Variants in CHODL observed in about 807,000 individuals in gnomAD.
CHODL encodes the protein transmembrane protein MT75.
Under a neutral mutation model 34.5 loss-of-function variants are expected in CHODL, and 29 were observed. The ratio of observed to expected loss-of-function variants is 0.84; its 90% confidence interval spans 0.63 to 1.15. The LOEUF (loss-of-function observed/expected upper bound fraction) is 1.15. CHODL is among the 50% of genes most tolerant of loss of function. The probability of loss-of-function intolerance (pLI) is 0.00; values close to 1 mark genes in which losing one functional copy is unlikely to be tolerated. For synonymous variants in CHODL, 125 were observed against 116.1 expected (o/e 1.08, Z -0.49); for missense variants, 332 against 332.5 (o/e 1.00, Z 0.01).
chr21:18,101,840 T>C (rs1171652389), intron 2 of CHODL, among the ~76,000 whole-genome samples: 2 of 152,116 alleles, frequency 1.3e-5, no homozygotes, highest in Non-Finnish European at 2.9e-5. Context: ...ATATATTTAG[T>C]TTCCATAATG....
intron 1 of CHODL, among the ~76,000 whole-genome samples, chr21:18,252,587 C>T (rs1186326018): frequency 6.6e-6 from 1 of 151,980 alleles, no homozygotes; most frequent in Non-Finnish European, 1.5e-5. Context: ...ACCAAATTTG[C>T]ACGATAAGGT....
chr21:18,066,889 G>T (rs1336938862), intron 2 of CHODL, among the ~76,000 whole-genome samples: 2 of 152,128 alleles, frequency 1.3e-5, no homozygotes, highest in African/African-American at 2.4e-5. Flanking sequence ...TGACACAATA[G>T]GTTGGCCACC....
intron 2 of CHODL, among the ~76,000 whole-genome samples, chr21:18,207,318 AT>A (rs1311735786): frequency 6.6e-6 from 1 of 152,176 alleles, no homozygotes; most frequent in African/African-American, 2.4e-5. Context: ...GACAACACTG[AT>A]TGCATAAACA....
intron 2 of CHODL, among the ~76,000 whole-genome samples, chr21:18,066,011 A>G (rs1485782212): frequency 6.6e-6 from 1 of 152,174 alleles, no homozygotes; most frequent in Non-Finnish European, 1.5e-5. Context: ...TGACCTCCCA[A>G]TATATAAATC....
chr21:17,958,596 G>A (rs947544015), intron 1 of CHODL, among the ~76,000 whole-genome samples: 2 of 152,130 alleles, frequency 1.3e-5, no homozygotes, highest in Non-Finnish European at 2.9e-5. Context: ...GGTAGGAACA[G>A]GCATCCAGTG....
rs147072991 is a variant in CHODL, at chr21:18,091,077, T to A, written c.-45+63106T>A. Among the ~76,000 whole-genome samples, 51 of 152,280 alleles carry A rather than the reference T, an allele frequency of 3.3e-4. 1 individual carries two copies. In the East Asian group the frequency reaches 8.9e-3, roughly 27 times the overall value. On this transcript the variant is annotated intron_variant, in intron 2 of 6. Coordinates refer to the CHODL transcript ENST00000400127. Reference sequence around the variant, plus strand: ...CAGCACCTGGGGGACTTTGCATTGATCTCAATGTTTCCCTGTCACAGCAGA... The same window carrying A: ...CAGCACCTGGGGGACTTTGCATTGAACTCAATGTTTCCCTGTCACAGCAGA...
At chr21:18,146,554 C>T (rs994877807) in intron 2 of CHODL, among the ~76,000 whole-genome samples, 1 of 152,050 alleles carries the variant, frequency 6.6e-6, no homozygotes, top group African/African-American at 2.4e-5. Context: ...TGAAGAGGGA[C>T]GTTGTTTGCT....
chr21:18,036,605 T>C (rs565290124), intron 2 of CHODL, among the ~76,000 whole-genome samples: 7 of 152,184 alleles, frequency 4.6e-5, no homozygotes, highest in African/African-American at 1.7e-4. Flanking sequence ...ATTTTCTCTT[T>C]ATCAGAAATC....
intron 2 of CHODL, among the ~76,000 whole-genome samples, chr21:18,115,729 T>G (rs562939987): frequency 2.6e-5 from 4 of 152,302 alleles, no homozygotes; most frequent in Non-Finnish European, 5.9e-5. Context: ...CTTTATTGAG[T>G]GTTTCTTCTG....
chr21:18,140,204 C>T (rs989467638), intron 2 of CHODL, among the ~76,000 whole-genome samples: 1 of 152,164 alleles, frequency 6.6e-6, no homozygotes, highest in Non-Finnish European at 1.5e-5. Flanking sequence ...AATTTGAAAA[C>T]GTGGATAATT....
chr21:18,139,577 C>A (rs2072777252), intron 2 of CHODL, among the ~76,000 whole-genome samples: 1 of 152,076 alleles, frequency 6.6e-6, no homozygotes, highest in Admixed American at 6.6e-5. Flanking sequence ...GACCTCCTAG[C>A]TGACCACGAC....
At chr21:17,971,503 CAT>C (rs1172470912) in intron 1 of CHODL, among the ~76,000 whole-genome samples, 2 of 152,050 alleles carry the variant, frequency 1.3e-5, no homozygotes, top group African/African-American at 2.4e-5. Context: ...ACCTTTTTTT[CAT>C]ATGTTTGTTG....
chr21:18,006,534 C>G (rs1445229968), intron 1 of CHODL, among the ~76,000 whole-genome samples: 5 of 152,118 alleles, frequency 3.3e-5, no homozygotes, highest in African/African-American at 1.2e-4. Context: ...GAAGAAAACA[C>G]AATTATCTTT....
intron 1 of CHODL, among the ~76,000 whole-genome samples, chr21:17,926,392 T>C (rs63607264): frequency 2.0e-5 from 3 of 151,356 alleles, no homozygotes; most frequent in Non-Finnish European, 4.4e-5. Flanking sequence ...TTTTTTTTTT[T>C]CCTGAAGTGT....
At chr21:18,063,105 C>G (rs1377940767) in intron 2 of CHODL, among the ~76,000 whole-genome samples, 2 of 152,254 alleles carry the variant, frequency 1.3e-5, no homozygotes, top group Middle Eastern at 6.8e-3. Context: ...TCAGAATTAG[C>G]ATATATCCAA....
chr21:18,244,930 G>C lies in CHODL; in HGVS notation c.-294G>C. ...AAAGCGCAACGGTGTGGTCCAAGCC[G>C]GGGCTTCTGCTTCGCCTCTAGGACA... is the stretch of plus-strand genomic sequence containing the variant. On this transcript the variant is annotated 5_prime_UTR_variant, in exon 1 of 6. Transcript: ENST00000299295. The C allele has an allele frequency of 2.7e-6, 1 of 370,360 alleles. No homozygotes were observed. Among genetic ancestry groups the C allele is most frequent in the Non-Finnish European group, 4.8e-6 (1 of 207,530 alleles). The allele number at this position is 370,360 out of a possible 1,614,324, so 22.9% of individuals were successfully genotyped here.
intron 2 of CHODL, among the ~76,000 whole-genome samples, chr21:18,168,191 C>A (rs540840758): frequency 1.2e-4 from 19 of 152,316 alleles, no homozygotes; most frequent in Middle Eastern, 3.4e-3. Flanking sequence ...GGTTTTGGGA[C>A]TCAGATTGGC....
At chr21:18,096,499 G>A (rs1475484090) in intron 2 of CHODL, among the ~76,000 whole-genome samples, 1 of 152,104 alleles carries the variant, frequency 6.6e-6, no homozygotes, top group African/African-American at 2.4e-5. Flanking sequence ...TCCCAGGGGA[G>A]GTCTATAAAT....
At chr21:18,148,722 G>C (rs1348129205) in intron 2 of CHODL, among the ~76,000 whole-genome samples, 2 of 151,932 alleles carry the variant, frequency 1.3e-5, no homozygotes, top group Non-Finnish European at 1.5e-5. Flanking sequence ...ACATTTCATT[G>C]TGTCTTGAAA....
Sources: gnomAD v4.1 joint callset for allele counts (sites outside exome capture counted in the v4.1 genomes callset) on GRCh38, gnomAD v4.1.1 for gene constraint, MANE v1.5 for transcripts, NCBI Gene and HGNC (gene_info 2026-07-23, HGNC 2026-07-21) for gene names.